TXNDC16: variants seen among roughly 807,000 people sequenced by gnomAD.
TXNDC16 encodes the protein thioredoxin domain containing 16.
Under a neutral mutation model 85.6 loss-of-function variants are expected in TXNDC16, and 74 were observed. The observed-to-expected ratio is 0.86, with a 90% CI of 0.72 to 1.05. The LOEUF (loss-of-function observed/expected upper bound fraction) is 1.05. Ranked by LOEUF, TXNDC16 falls within the 50% of genes least tolerant of loss-of-function variation. The pLI, the probability that TXNDC16 is intolerant of heterozygous loss-of-function variation, is 0.00. For synonymous variants in TXNDC16, 335 were observed against 326.5 expected (o/e 1.03, Z -0.28); for missense variants, 959 against 947.0 (o/e 1.01, Z -0.17).
At chr14:52,494,294 G>A (rs968391635) in intron 9 of TXNDC16, among the ~76,000 whole-genome samples, 13 of 152,140 alleles carry the variant, frequency 8.5e-5, no homozygotes, top group African/African-American at 2.7e-4. Context: ...CTTTGGTTAC[G>A]TGACATTACA....
intron 9 of TXNDC16, among the ~76,000 whole-genome samples, chr14:52,497,880 C>CAAAA (rs36007755): frequency 6.3e-5 from 6 of 95,544 alleles, no homozygotes; most frequent in East Asian, 2.7e-4. Flanking sequence ...GACTCTGTCT[C>CAAAA]AAAAAAAAAA....
Position 52,482,258 on chromosome 14 carries a change from G to A in TXNDC16, c.1284C>T (p.Ser428=). 1.2e-6 allele frequency: 2 copies of A among 1,611,778 alleles called. No homozygotes were observed. The highest frequency in any genetic ancestry group is 1.7e-6 in the Non-Finnish European group (2 of 1,178,894). Residue 428 remains serine, a synonymous_variant, in exon 14 of 21, where the codon TCC becomes TCT. Coordinates refer to ENST00000281741, the MANE Select transcript of TXNDC16 (RefSeq NM_020784.3). The stretch of plus-strand genomic sequence containing the variant: ...TCAGTTTAACTGCCACATCAATATA[G>A]GATTGCAAAAATGCCATGGATACTG... ...WQAVSMAFLQ[S]YIDVAVKLKG... is the part of the protein sequence containing the mutation.
At chr14:52,496,551 G>C (rs1299296553) in intron 9 of TXNDC16, among the ~76,000 whole-genome samples, 2 of 150,316 alleles carry the variant, frequency 1.3e-5, no homozygotes, top group Non-Finnish European at 3.0e-5. Context: ...CATACAAGTT[G>C]GTATAATTCT....
At chr14:52,515,674 T>C (rs1216671562) in intron 7 of TXNDC16, among the ~76,000 whole-genome samples, 5 of 82,286 alleles carry the variant, frequency 6.1e-5, no homozygotes, top group African/African-American at 2.8e-4. Flanking sequence ...TACATATGTG[T>C]GTGTGTGTGT....
chr14:52,464,602 T>C (rs2035728908), intron 16 of TXNDC16, among the ~76,000 whole-genome samples: 2 of 152,096 alleles, frequency 1.3e-5, no homozygotes, highest in Admixed American at 6.6e-5. Flanking sequence ...TACTTCCCAA[T>C]TTTTCATAAA....
chr14:52,499,617 A>G (rs1202534773), intron 9 of TXNDC16, among the ~76,000 whole-genome samples: 3 of 151,812 alleles, frequency 2.0e-5, no homozygotes, highest in Non-Finnish European at 4.4e-5. Flanking sequence ...ATCAAAAAAA[A>G]AAAAAGAAAA....
chr14:52,486,534 C>A (rs1242068021), intron 12 of TXNDC16, among the ~76,000 whole-genome samples: 1 of 152,024 alleles, frequency 6.6e-6, no homozygotes, highest in African/African-American at 2.4e-5. Context: ...GATTGCCCTT[C>A]TGTGGAATCT....
intron 20 of TXNDC16, among the ~76,000 whole-genome samples, chr14:52,438,554 A>C (rs80163558): frequency 0.013 from 2,050 of 152,328 alleles, 55 homozygotes; most frequent in African/African-American, 0.047. Context: ...ATGCTATTAC[A>C]CATTTAATAG....
intron 9 of TXNDC16, among the ~76,000 whole-genome samples, chr14:52,502,288 C>T (rs2036676959): frequency 6.6e-6 from 1 of 152,186 alleles, no homozygotes; most frequent in Non-Finnish European, 1.5e-5. Context: ...AACGCTTATG[C>T]ATTATTCTGT....
intron 9 of TXNDC16, among the ~76,000 whole-genome samples, chr14:52,505,802 TCAA>T (rs2036784346): frequency 6.6e-6 from 1 of 151,608 alleles, no homozygotes; most frequent in Admixed American, 6.6e-5. Flanking sequence ...TTTGAAAAGA[TCAA>T]CAAAACTGAT....
chr14:52,531,126 T>C (rs932146986), intron 6 of TXNDC16, among the ~76,000 whole-genome samples: 4 of 152,056 alleles, frequency 2.6e-5, no homozygotes, highest in Non-Finnish European at 5.9e-5. Flanking sequence ...AACAAAGAGA[T>C]ACCACTATAT....
rs745925536 is a variant in TXNDC16 at position 52,457,179 on chromosome 14, A to G, written c.1619-5T>C. ...CTTCACTAAAATCTTCTTTTGCTAT[A>G]AATACATAGAGAAGACAAAAATCTG... On this transcript the variant is annotated splice_region_variant and splice_polypyrimidine_tract_variant and intron_variant, in intron 16 of 20. Transcript: ENST00000281741. 6 of 1,549,148 alleles carry G rather than the reference A, an allele frequency of 3.9e-6. No homozygotes were observed. Among genetic ancestry groups the G allele is most frequent in the East Asian group, 4.7e-5 (2 of 42,360 alleles).
At chr14:52,541,106 C>T (rs2037821237) in intron 4 of TXNDC16, among the ~76,000 whole-genome samples, 1 of 152,040 alleles carries the variant, frequency 6.6e-6, no homozygotes, top group Admixed American at 6.6e-5. Flanking sequence ...CATCGTGGCA[C>T]ATGCCTGTAA....
chr14:52,463,828 A>G (rs1014940768), intron 16 of TXNDC16, among the ~76,000 whole-genome samples: 2 of 152,248 alleles, frequency 1.3e-5, no homozygotes, highest in African/African-American at 4.8e-5. Flanking sequence ...ATGTTAATAA[A>G]TTCATAAGAT....
chr14:52,479,552 C>T (rs2036098793), intron 14 of TXNDC16, among the ~76,000 whole-genome samples: 1 of 151,370 alleles, frequency 6.6e-6, no homozygotes, highest in Non-Finnish European at 1.5e-5. Context: ...TAGAATTCAA[C>T]CCCTTTTACA....
At chr14:52,520,616 A>G (rs763266419) in intron 6 of TXNDC16, among the ~76,000 whole-genome samples, 4 of 152,180 alleles carry the variant, frequency 2.6e-5, no homozygotes, top group Admixed American at 6.5e-5. Context: ...TCTCAAAAAC[A>G]TGAAATAAAA....
chr14:52,453,582 A>G (rs28892295), intron 18 of TXNDC16, among the ~76,000 whole-genome samples: 5,267 of 152,326 alleles, frequency 0.035, 268 homozygotes, highest in African/African-American at 0.12. Flanking sequence ...AGGCACAGAA[A>G]GACAAAAAGC....
intron 6 of TXNDC16, among the ~76,000 whole-genome samples, chr14:52,534,049 C>T (rs934635519): frequency 3.9e-5 from 6 of 152,120 alleles, no homozygotes; most frequent in African/African-American, 7.2e-5. Context: ...GGCAGCTTCC[C>T]CCTGTGAGGT....
rs183288580 is a variant in TXNDC16 at position 52,522,847 on chromosome 14, C to T, written c.393-3554G>A. Among the ~76,000 whole-genome samples, 11 of 152,300 alleles carry T rather than the reference C, an allele frequency of 7.2e-5. No homozygotes were observed. In the East Asian group the frequency reaches 1.2e-3, roughly 16 times the overall value. ...AAAAACCCTCAGCAATGCACTCTGT[C>T]TTGTTTAATTTTCATGGCAACCATC... On this transcript the variant is annotated intron_variant, in intron 6 of 20. Coordinates refer to ENST00000281741, the MANE Select transcript of TXNDC16 (RefSeq NM_020784.3).
Sources: gnomAD v4.1 joint callset for allele counts (sites outside exome capture counted in the v4.1 genomes callset) on GRCh38, gnomAD v4.1.1 for gene constraint, MANE v1.5 for transcripts, NCBI Gene and HGNC (gene_info 2026-07-23, HGNC 2026-07-21) for gene names.